The following TECPR2 variants were observed in gnomAD, a reference collection of about 807,000 sequenced individuals.
The protein encoded by TECPR2 is tectonin beta-propeller repeat containing 2.
TECPR2 carries 65 observed loss-of-function variants against 138.1 expected under a neutral mutation model. That is an observed-to-expected ratio of 0.47 (90% CI 0.39 to 0.58). The LOEUF (loss-of-function observed/expected upper bound fraction) is 0.58. Ranked by LOEUF, TECPR2 falls within the 20% of genes least tolerant of loss-of-function variation. TECPR2 has a pLI of 0.00. For synonymous variants in TECPR2, 746 were observed against 749.8 expected, an observed-to-expected ratio of 0.99 and a Z score of 0.08; for missense variants, 1,553 against 1,824.5, an observed-to-expected ratio of 0.85 and a Z score of 2.71.
chr14:102,373,914 T>G (rs1887572003), intron 1 of TECPR2, among the ~76,000 whole-genome samples: 1 of 151,650 alleles, frequency 6.6e-6, no homozygotes, highest in Non-Finnish European at 1.5e-5. Flanking sequence ...CCCCCATCTC[T>G]ACTAAAAAAT....
intron 10 of TECPR2, among the ~76,000 whole-genome samples, chr14:102,438,682 C>T (rs984944387): frequency 3.4e-4 from 52 of 152,054 alleles, no homozygotes; most frequent in Non-Finnish European, 5.9e-5. Flanking sequence ...TTAATGAGCT[C>T]TCTGCTGTGG....
At chr14:102,485,882 C>T (rs1891016798) in intron 17 of TECPR2, among the ~76,000 whole-genome samples, 1 of 152,196 alleles carries the variant, frequency 6.6e-6, no homozygotes, top group African/African-American at 2.4e-5. Flanking sequence ...AGCTTCTGCT[C>T]TTCTTGTCTC....
intron 5 of TECPR2, among the ~76,000 whole-genome samples, chr14:102,422,024 G>T (rs1350861878): frequency 6.6e-6 from 1 of 152,160 alleles, no homozygotes; most frequent in Non-Finnish European, 1.5e-5. Context: ...CAGATTGCCA[G>T]TGGGAGTGTA....
chr14:102,438,470 T>C (rs1030496501), intron 10 of TECPR2: 14 of 389,022 alleles, frequency 3.6e-5, no homozygotes, highest in African/African-American at 2.7e-4. Flanking sequence ...AATGGTAAGC[T>C]CTGATCGTAT....
rs1457687607 is a variant in TECPR2, at chr14:102,408,483, C to T, written c.349-5C>T. ...CTTGTGTATATTTTTATCCCTTGTT[C>T]ATAGCTTCGGAGATTTGATGTCACT... On this transcript the variant is annotated splice_region_variant and splice_polypyrimidine_tract_variant and intron_variant, in intron 3 of 19. Transcript: ENST00000359520. 6.3e-7 allele frequency: 1 copy of T among 1,595,752 alleles called. No individual in the cohort carries two copies. The highest frequency in any genetic ancestry group is 1.2e-5 in the South Asian group (1 of 86,884).
chr14:102,404,883 G>A (rs1310817816), intron 2 of TECPR2, among the ~76,000 whole-genome samples: 2 of 152,080 alleles, frequency 1.3e-5, no homozygotes, highest in East Asian at 3.9e-4. Flanking sequence ...CCAGTCAAGT[G>A]ATTTTTGATA....
rs1891347777 is a variant in TECPR2 at position 102,498,286 on chromosome 14, G to C, written c.*29G>C. The C allele has an allele frequency of 6.3e-7, 1 of 1,585,480 alleles. No individual in the cohort carries two copies. Among genetic ancestry groups the C allele is most frequent in the Non-Finnish European group, 8.5e-7 (1 of 1,173,798 alleles). On this transcript the variant is annotated 3_prime_UTR_variant, in exon 20 of 20. Coordinates refer to ENST00000359520, the MANE Select transcript of TECPR2 (RefSeq NM_014844.5). ...AGCCCTGGCCGAGTCACGCGGAGGG[G>C]CCCGGCGTCTGTGGCGGGCACAGGG...
chr14:102,429,322 G>A (rs1037328671), intron 7 of TECPR2, among the ~76,000 whole-genome samples: 2 of 152,150 alleles, frequency 1.3e-5, no homozygotes, highest in South Asian at 2.1e-4. Flanking sequence ...CCTGCTCTCC[G>A]TCTGAGACAG....
At position 102,407,448 on chromosome 14, in the gene TECPR2, G is replaced by A; in HGVS notation, c.330G>A (p.Leu110=). 1 of 1,613,018 alleles carries A rather than the reference G, an allele frequency of 6.2e-7. No individual in the cohort carries two copies. The highest frequency in any genetic ancestry group is 1.1e-5 in the South Asian group (1 of 90,842). The change falls in exon 3 of 20, where the codon TTG becomes TTA. Residue 110 remains leucine, a synonymous_variant. Coordinates refer to ENST00000359520, the MANE Select transcript of TECPR2 (RefSeq NM_014844.5). The part of the protein sequence containing the change: ...RVAVFQLVSS[L]PGRNKQLRRF... ...CAGTTTTTCAACTTGTATCTTCATT[G>A]CCAGGGAGAAATAAACAGGTGAGTA...
chr14:102,374,134 A>C (rs914756084), intron 1 of TECPR2, among the ~76,000 whole-genome samples: 7 of 151,808 alleles, frequency 4.6e-5, no homozygotes, highest in Non-Finnish European at 7.4e-5. Flanking sequence ...TGGATATGCT[A>C]TACAGATTTA....
intron 9 of TECPR2, among the ~76,000 whole-genome samples, chr14:102,437,641 C>CA (rs1411502804): frequency 6.6e-6 from 1 of 152,066 alleles, no homozygotes; most frequent in Non-Finnish European, 1.5e-5. Flanking sequence ...GATTAGACTA[C>CA]AAAAAATTGA....
intron 1 of TECPR2, among the ~76,000 whole-genome samples, chr14:102,364,496 A>G (rs568911821): frequency 5.3e-5 from 8 of 152,308 alleles, no homozygotes; most frequent in Admixed American, 5.2e-4. Flanking sequence ...GAACTTTAAA[A>G]GGGAGAACTA....
intron 17 of TECPR2, among the ~76,000 whole-genome samples, chr14:102,480,145 A>G (rs138655544): frequency 2.0e-5 from 3 of 152,026 alleles, no homozygotes; most frequent in Non-Finnish European, 4.4e-5. Context: ...AAAAATGTCC[A>G]GGCCTCGGCC....
chr14:102,407,237 C>G, intron 2 of TECPR2, 101 bp from the exon 3 acceptor site: 2 of 1,414,986 alleles, frequency 1.4e-6, no homozygotes, highest in Non-Finnish European at 1.9e-6. Flanking sequence ...GTATGGACTG[C>G]AGCCTGATGA....
chr14:102,491,214 A>G (rs1486107521), intron 17 of TECPR2, among the ~76,000 whole-genome samples: 1 of 151,524 alleles, frequency 6.6e-6, no homozygotes, highest in Non-Finnish European at 1.5e-5. Context: ...CTCTTTTTTT[A>G]CTTTTATTTT....
intron 1 of TECPR2, among the ~76,000 whole-genome samples, chr14:102,375,821 G>A (rs993238860): frequency 2.0e-5 from 3 of 152,134 alleles, no homozygotes; most frequent in Non-Finnish European, 4.4e-5. Context: ...GTCAAGTCTC[G>A]GCTGTTTGAT....
chr14:102,445,714 G>A (rs907841732), intron 12 of TECPR2, 92 bp from the exon 13 acceptor site: 15 of 1,449,684 alleles, frequency 1.0e-5, no homozygotes, highest in South Asian at 9.0e-5. Flanking sequence ...TCCCAGCCAC[G>A]CCTGCCGGGA....
chr14:102,458,838 G>A (rs1008661106), intron 16 of TECPR2, among the ~76,000 whole-genome samples: 6 of 151,708 alleles, frequency 4.0e-5, no homozygotes, highest in South Asian at 2.1e-4. Flanking sequence ...AGCCAAGCAC[G>A]GTGGCGCACA....
chr14:102,448,349 C>A (rs1175724202), intron 13 of TECPR2, among the ~76,000 whole-genome samples: 1 of 152,172 alleles, frequency 6.6e-6, no homozygotes, highest in African/African-American at 2.4e-5. Flanking sequence ...ATCAGATTTT[C>A]ACTCATAAAG....
Sources: allele counts gnomAD v4.1 joint callset (sites outside exome capture counted in the v4.1 genomes callset), GRCh38; gene constraint gnomAD v4.1.1; transcripts MANE v1.5; gene names NCBI Gene and HGNC (gene_info 2026-07-23, HGNC 2026-07-21).